FANCM: variants seen among roughly 807,000 people sequenced by gnomAD.
FANCM encodes FA complementation group M, also known as Fanconi anemia group M protein.
In FANCM, 140 loss-of-function variants were observed where a neutral mutation model predicts 199.5. That is an observed-to-expected ratio of 0.70 (90% CI 0.61 to 0.81). FANCM has a LOEUF of 0.81. Among genes scored for constraint, FANCM ranks in the 30% least tolerant of loss-of-function variants. The pLI is 0.00. For synonymous variants in FANCM, 840 were observed against 836.8 expected, an observed-to-expected ratio of 1.00 and a Z score of -0.07; for missense variants, 2,410 against 2,421.4, an observed-to-expected ratio of 1.00 and a Z score of 0.10.
At chr14:45,182,948 T>C (rs1469018415) in intron 16 of FANCM, among the ~76,000 whole-genome samples, 2 of 152,190 alleles carry the variant, frequency 1.3e-5, no homozygotes, top group Admixed American at 6.5e-5. Flanking sequence ...TTAATAATAC[T>C]GTACTGAAAG....
chr14:45,141,304 A>AAG lies in FANCM; in HGVS notation c.759+596_759+597insGA, dbSNP rs1485023691. On this transcript the variant is annotated intron_variant, in intron 3 of 22. Transcript: ENST00000267430. ...CTCCGTCTCAAAAAAAAAAAAAAAA[A>AAG]AAAAGAAAGCAAAAAACAAAAAACA... is the stretch of plus-strand genomic sequence containing the variant. Among the ~76,000 whole-genome samples, 6 of 150,998 alleles carry AAG rather than the reference A, an allele frequency of 4.0e-5. No homozygotes were observed. In the East Asian group the frequency reaches 1.2e-3, roughly 29 times the overall value.
chr14:45,177,702 A>G (rs1888804696), intron 14 of FANCM, among the ~76,000 whole-genome samples: 1 of 151,970 alleles, frequency 6.6e-6, no homozygotes, highest in African/African-American at 2.4e-5. Context: ...AAGATTTTAT[A>G]TATAGTGTAG....
chr14:45,136,319 G>C lies in FANCM; in HGVS notation c.288G>C (p.Leu96=). 8 of 1,614,158 alleles carry C rather than the reference G, an allele frequency of 5.0e-6. No individual in the cohort carries two copies. The highest frequency in any genetic ancestry group is 6.8e-6 in the Non-Finnish European group (8 of 1,180,026). ...PTNCPVRDYQ[L]HISRAALFCN... ...ATTGCCCAGTGCGGGACTACCAGCTGCACATTTCCCGGGCTGCTCTGTTTT... is the reference window on the plus strand; with the variant it reads ...ATTGCCCAGTGCGGGACTACCAGCTCCACATTTCCCGGGCTGCTCTGTTTT... The change falls in exon 1 of 23, where the codon CTG becomes CTC. Residue 96 remains leucine (L), a synonymous_variant. Transcript: ENST00000267430.
chr14:45,199,794 G>T, intron 22 of FANCM, 76 bp from the exon 23 acceptor site: 2 of 1,270,278 alleles, frequency 1.6e-6, no homozygotes, highest in Middle Eastern at 2.2e-4. Context: ...ACTGTGTTTG[G>T]TGTTCTTTAG....
At chr14:45,166,822 C>T in intron 10 of FANCM, 128 bp from the exon 11 acceptor site, 2 of 611,070 alleles carry the variant, frequency 3.3e-6, no homozygotes, top group Non-Finnish European at 2.9e-6. Flanking sequence ...GCTCCATTTT[C>T]TAAGTATTTA....
intron 10 of FANCM, among the ~76,000 whole-genome samples, chr14:45,165,185 T>C (rs970068901): frequency 2.0e-5 from 3 of 152,244 alleles, no homozygotes; most frequent in African/African-American, 7.2e-5. Context: ...TAACTAACTT[T>C]TGTAACTTAT....
chr14:45,194,203 G>A (rs183354528), intron 20 of FANCM, among the ~76,000 whole-genome samples: 28 of 151,848 alleles, frequency 1.8e-4, no homozygotes, highest in Non-Finnish European at 7.4e-5. Context: ...TCAGGAGGCT[G>A]AGGCAGGAGA....
At chr14:45,197,811 T>A (rs1377053661) in intron 21 of FANCM, among the ~76,000 whole-genome samples, 6 of 149,972 alleles carry the variant, frequency 4.0e-5, no homozygotes, top group Non-Finnish European at 8.9e-5. Context: ...TCGCCCAGGC[T>A]GGAGTGCAGT....
rs1417836490 is a variant in FANCM at position 45,164,373 on chromosome 14, T to C, written c.1596T>C (p.Phe532=). 1 of 1,612,560 alleles carries C rather than the reference T, an allele frequency of 6.2e-7. No individual in the cohort carries two copies. Among genetic ancestry groups the C allele is most frequent in the Non-Finnish European group, 8.5e-7 (1 of 1,179,578 alleles). Residue 532 remains phenylalanine, a synonymous_variant, in exon 10 of 23, where the codon TTT becomes TTC. Transcript: ENST00000267430. ...TTTTATTTTAGGTAGTGAAACAGTT[T>C]CGTGACGGTGGTTACAACACGCTGG... ...QKEQLEVVKQ[F]RDGGYNTLVS...
At chr14:45,147,450 T>C (rs1046999112) in intron 3 of FANCM, among the ~76,000 whole-genome samples, 3 of 152,040 alleles carry the variant, frequency 2.0e-5, no homozygotes, top group Admixed American at 6.5e-5. Flanking sequence ...TCGCCAGCAA[T>C]TGTCATTTTT....
intron 1 of FANCM, 80 bp downstream of exon 1, chr14:45,136,619 T>C (rs1885533324): frequency 7.5e-7 from 1 of 1,328,488 alleles, no homozygotes; most frequent in East Asian, 2.3e-5. Flanking sequence ...CTACAACATG[T>C]GCATCTTACG....
Position 45,150,367 on chromosome 14 carries a change from A to G in FANCM, c.919-1030A>G, listed in dbSNP as rs1018363801. Among the ~76,000 whole-genome samples, 34 of 152,366 alleles carry G rather than the reference A, an allele frequency of 2.2e-4. No homozygotes were observed. In the South Asian group the frequency reaches 5.4e-3, roughly 24 times the overall value. ...AATTCTTATAATCATATACAAATGT[A>G]ATTTAATTTTGTTAGTATTTTTAGA... On this transcript the variant is annotated intron_variant, in intron 4 of 22. Coordinates refer to ENST00000267430, the MANE Select transcript of FANCM (RefSeq NM_020937.4).
Position 45,176,328 on chromosome 14 carries a change from G to C in FANCM, c.3574G>C (p.Asp1192His). The change falls in exon 14 of 23, where the codon GAT (aspartate) becomes CAT (histidine). Residue 1192 changes from aspartate to histidine, a missense_variant. Coordinates refer to ENST00000267430, the MANE Select transcript of FANCM (RefSeq NM_020937.4). ...LLLDNNSELQDQITRDANSFK... is the reference protein window; with the variant it reads ...LLLDNNSELQHQITRDANSFK... ...GTTGGACAATAATTCTGAACTCCAA[G>C]ATCAAATCACCCGTGATGCTAATAG... The C allele has an allele frequency of 6.2e-7, 1 of 1,613,856 alleles. No individual in the cohort carries two copies. Among genetic ancestry groups the C allele is most frequent in the South Asian group, 1.1e-5 (1 of 91,074 alleles).
chr14:45,176,883 T>C lies in FANCM; in HGVS notation c.4129T>C (p.Leu1377=). 1 of 1,610,940 alleles carries C rather than the reference T, an allele frequency of 6.2e-7. No individual in the cohort carries two copies. Among genetic ancestry groups the C allele is most frequent in the Non-Finnish European group, 8.5e-7 (1 of 1,177,772 alleles). ...KVNLQRFKEA[L]NSTFDYSEFS... is the part of the protein sequence containing the mutation. The stretch of plus-strand genomic sequence containing the variant: ...AAACCTACAAAGATTCAAAGAAGCA[T>C]TGAATTCAACTTTTGATTATTCAGA... Residue 1377 remains leucine, a synonymous_variant, in exon 14 of 23, where the codon TTG becomes CTG. Coordinates refer to ENST00000267430, the MANE Select transcript of FANCM (RefSeq NM_020937.4).
intron 11 of FANCM, among the ~76,000 whole-genome samples, chr14:45,168,253 ATTAAAC>A (rs1047786093): frequency 6.6e-6 from 1 of 152,076 alleles, no homozygotes; most frequent in Non-Finnish European, 1.5e-5. Context: ...GGCTATGTCT[ATTAAAC>A]TTAATACAAA....
chr14:45,163,143 G>A (rs1427690849), intron 9 of FANCM, among the ~76,000 whole-genome samples: 1 of 152,176 alleles, frequency 6.6e-6, no homozygotes, highest in Admixed American at 6.5e-5. Context: ...TACAGATTAA[G>A]TTAGGTTTTT....
chr14:45,137,943 C>G (rs1885638631), intron 2 of FANCM: 1 of 151,366 alleles, frequency 6.6e-6, no homozygotes, highest in African/African-American at 2.5e-5. Flanking sequence ...GAGAAGAAGG[C>G]TAAAGACAGA....
At chr14:45,150,759 A>AT in intron 4 of FANCM, among the ~76,000 whole-genome samples, 1 of 152,332 alleles carries the variant, frequency 6.6e-6, no homozygotes, top group East Asian at 1.9e-4. Flanking sequence ...TCTTAAATGC[A>AT]TTTGTTATAA....
In FANCM at chr14:45,148,985, CCT is replaced by C. The variant is rs1886630094; in HGVS notation, c.909_910del (p.Ile305ProfsTer37). 1 of 1,613,126 alleles carries C rather than the reference CCT, an allele frequency of 6.2e-7. No homozygotes were observed. Reference sequence around the variant, plus strand: ...GAAGAACTTGCAGCCATCCAAAAGACCTATATCCAGGTAAACCATTTTTATGA... The same window carrying C: ...GAAGAACTTGCAGCCATCCAAAAGACATATCCAGGTAAACCATTTTTATGA... On this transcript the variant is annotated frameshift_variant, in exon 4 of 23. Coordinates refer to ENST00000267430, the MANE Select transcript of FANCM (RefSeq NM_020937.4). LOFTEE classifies it high-confidence loss of function.
Sources: gnomAD v4.1 joint callset for allele counts (sites outside exome capture counted in the v4.1 genomes callset) on GRCh38, gnomAD v4.1.1 for gene constraint, MANE v1.5 for transcripts, NCBI Gene and HGNC (gene_info 2026-07-23, HGNC 2026-07-21) for gene names.